PLPPR1: variants seen among roughly 807,000 people sequenced by gnomAD.
PLPPR1 encodes phospholipid phosphatase related 1, also known as phospholipid phosphatase-related protein type 1.
Under a neutral mutation model 33.1 loss-of-function variants are expected in PLPPR1, and 10 were observed. The observed-to-expected ratio is 0.30, with a 90% CI of 0.19 to 0.51. The LOEUF is 0.51. PLPPR1 is among the 20% of genes least tolerant of loss of function. PLPPR1 has a pLI of 0.97. For missense variants in PLPPR1, 304 were observed against 408.1 expected (o/e 0.74, Z 2.20); for synonymous variants, 151 against 151.0 (o/e 1.00, Z 0.00).
At chr9:101,243,463 G>A (rs1827520794) in intron 2 of PLPPR1, among the ~76,000 whole-genome samples, 1 of 151,884 alleles carries the variant, frequency 6.6e-6, no homozygotes, top group South Asian at 2.1e-4. Context: ...ATATTAAATT[G>A]ATCAGATTTA....
intron 4 of PLPPR1, among the ~76,000 whole-genome samples, chr9:101,297,615 T>G (rs976349683): frequency 2.6e-5 from 4 of 152,180 alleles, no homozygotes; most frequent in Non-Finnish European, 5.9e-5. Context: ...TAAAACATCA[T>G]AGCTAAACTT....
Position 101,153,451 on chromosome 9 carries a change from G to A in PLPPR1, c.-45-31999G>A, listed in dbSNP as rs10819905. 2.6e-5 allele frequency among the ~76,000 whole-genome samples: 4 copies of A among 152,154 alleles called. No homozygotes were observed. In the East Asian group the frequency reaches 7.8e-4, roughly 30 times the overall value. Reference sequence around the variant, plus strand: ...TATGTTGAATAGGAGTGGTGAGAGAGGGCATCCCTGTCTTGTGCCAGTTTT... The same window carrying A: ...TATGTTGAATAGGAGTGGTGAGAGAAGGCATCCCTGTCTTGTGCCAGTTTT... On this transcript the variant is annotated intron_variant, in intron 1 of 7. Transcript: ENST00000374874.
At chr9:101,223,178 G>C (rs1047696466) in intron 2 of PLPPR1, among the ~76,000 whole-genome samples, 2 of 116,444 alleles carry the variant, frequency 1.7e-5, no homozygotes, top group Admixed American at 8.5e-5. Flanking sequence ...AAAAAGAAAA[G>C]AAAAATTTTT....
chr9:101,314,856 G>T (rs1424206562), intron 6 of PLPPR1, among the ~76,000 whole-genome samples: 1 of 152,196 alleles, frequency 6.6e-6, no homozygotes, highest in African/African-American at 2.4e-5. Flanking sequence ...AGTGAAAGAT[G>T]AAAAACTAAA....
chr9:101,304,883 A>G (rs1828827149), intron 4 of PLPPR1, among the ~76,000 whole-genome samples: 3 of 152,192 alleles, frequency 2.0e-5, no homozygotes, highest in Admixed American at 2.0e-4. Context: ...CACGCTCTCC[A>G]GAACACGTGG....
chr9:101,308,359 C>T (rs1194432841), intron 4 of PLPPR1, among the ~76,000 whole-genome samples: 1 of 152,176 alleles, frequency 6.6e-6, no homozygotes, highest in African/African-American at 2.4e-5. Context: ...TTCTAGAACA[C>T]ATGGAAAAGG....
At chr9:101,110,527 T>G (rs1051399454) in intron 1 of PLPPR1, among the ~76,000 whole-genome samples, 1 of 152,130 alleles carries the variant, frequency 6.6e-6, no homozygotes, top group Admixed American at 6.5e-5. Flanking sequence ...TAGCAAAAAT[T>G]GAATGAAACC....
At chr9:101,168,168 A>G (rs1825887990) in intron 1 of PLPPR1, among the ~76,000 whole-genome samples, 1 of 152,150 alleles carries the variant, frequency 6.6e-6, no homozygotes, top group Admixed American at 6.5e-5. Flanking sequence ...AAACCATATC[A>G]ATTCTAATTC....
intron 1 of PLPPR1, among the ~76,000 whole-genome samples, chr9:101,136,608 A>G (rs934114215): frequency 6.6e-6 from 1 of 152,168 alleles, no homozygotes; most frequent in African/African-American, 2.4e-5. Flanking sequence ...TAAGGTCAGC[A>G]TATGTTTATT....
intron 6 of PLPPR1, 146 bp downstream of exon 6, chr9:101,313,120 T>C: frequency 1.3e-6 from 1 of 741,084 alleles, no homozygotes; most frequent in Non-Finnish European, 2.2e-6. Flanking sequence ...TACATGCTTT[T>C]GCTACAAAAA....
chr9:101,170,594 G>A (rs866358873), intron 1 of PLPPR1, among the ~76,000 whole-genome samples: 36 of 152,278 alleles, frequency 2.4e-4, no homozygotes, highest in African/African-American at 8.2e-4. Context: ...ATGAAAGTGT[G>A]TAATAGACTT....
chr9:101,126,059 G>A (rs536702297), intron 1 of PLPPR1: 293 of 194,068 alleles, frequency 1.5e-3, no homozygotes, highest in Middle Eastern at 1.9e-3. Context: ...CCAGGCCTGT[G>A]TGTCAATCTG....
At chr9:101,266,919 C>T (rs1828008995) in intron 2 of PLPPR1, among the ~76,000 whole-genome samples, 2 of 152,144 alleles carry the variant, frequency 1.3e-5, no homozygotes, top group Admixed American at 6.6e-5. Flanking sequence ...CAATCCTCTT[C>T]CTACGAAAGA....
chr9:101,209,322 G>A (rs1451943822), intron 2 of PLPPR1, among the ~76,000 whole-genome samples: 1 of 152,236 alleles, frequency 6.6e-6, no homozygotes. Flanking sequence ...ATTCAAAGAG[G>A]TGGACTTTTT....
chr9:101,169,740 A>T (rs948931340), intron 1 of PLPPR1, among the ~76,000 whole-genome samples: 2 of 152,056 alleles, frequency 1.3e-5, no homozygotes, highest in East Asian at 3.9e-4. Context: ...ATCTAAAGTG[A>T]TTTTTTTCAT....
intron 1 of PLPPR1, among the ~76,000 whole-genome samples, chr9:101,079,912 T>TC (rs2118508383): frequency 6.6e-6 from 1 of 152,306 alleles, no homozygotes; most frequent in Non-Finnish European, 1.5e-5. Flanking sequence ...GCCTATTTTT[T>TC]TCTCATTCTG....
chr9:101,231,934 A>G (rs188991642), intron 2 of PLPPR1, among the ~76,000 whole-genome samples: 1 of 151,926 alleles, frequency 6.6e-6, no homozygotes, highest in Admixed American at 6.6e-5. Flanking sequence ...TATACTTCAA[A>G]CTCCCTATTC....
At chr9:101,229,524 A>T (rs982821963) in intron 2 of PLPPR1, among the ~76,000 whole-genome samples, 1 of 152,082 alleles carries the variant, frequency 6.6e-6, no homozygotes, top group African/African-American at 2.4e-5. Flanking sequence ...TTTCCTTCTA[A>T]TATTTTCTAG....
chr9:101,189,016 C>T (rs1826251315), intron 2 of PLPPR1, among the ~76,000 whole-genome samples: 1 of 152,046 alleles, frequency 6.6e-6, no homozygotes, highest in African/African-American at 2.4e-5. Flanking sequence ...CAGCAAGAGT[C>T]TAGTACTGTT....
Sources: gnomAD v4.1 joint callset for allele counts (sites outside exome capture counted in the v4.1 genomes callset) on GRCh38, gnomAD v4.1.1 for gene constraint, MANE v1.5 for transcripts, NCBI Gene and HGNC (gene_info 2026-07-23, HGNC 2026-07-21) for gene names.